FHIP1A: variants seen among roughly 807,000 people sequenced by gnomAD.
FHIP1A encodes FHF complex subunit HOOK-interacting protein 1A.
A neutral mutation model predicts 88.6 loss-of-function variants in FHIP1A; 61 were observed. The observed-to-expected ratio is 0.69, with a 90% CI of 0.56 to 0.85. The LOEUF (loss-of-function observed/expected upper bound fraction) is 0.85, where lower values mean the gene tolerates loss of function less well. Among genes scored for constraint, FHIP1A ranks in the 40% least tolerant of loss-of-function variants. The probability of loss-of-function intolerance (pLI) is 0.00; values close to 1 mark genes in which losing one functional copy is unlikely to be tolerated. For synonymous variants in FHIP1A, 478 were observed against 496.0 expected, an observed-to-expected ratio of 0.96 and a Z score of 0.48; for missense variants, 1,154 against 1,273.5, an observed-to-expected ratio of 0.91 and a Z score of 1.43.
At chr4:151,520,523 T>G (rs1321003891) in intron 3 of FHIP1A, among the ~76,000 whole-genome samples, 1 of 152,210 alleles carries the variant, frequency 6.6e-6, no homozygotes, top group South Asian at 2.1e-4. Flanking sequence ...TTTATAATTT[T>G]TTATTATTAA....
At chr4:151,661,238 A>G (rs1737443963) in intron 13 of FHIP1A, among the ~76,000 whole-genome samples, 5 of 152,100 alleles carry the variant, frequency 3.3e-5, no homozygotes, top group African/African-American at 1.2e-4. Context: ...CAAGGTTGAC[A>G]TGTACCTCAG....
At chr4:151,605,544 G>A (rs1436838541) in intron 7 of FHIP1A, among the ~76,000 whole-genome samples, 1 of 152,186 alleles carries the variant, frequency 6.6e-6, no homozygotes, top group Non-Finnish European at 1.5e-5. Context: ...GAAGCAAAAA[G>A]TCTACCAGAA....
chr4:151,567,634 G>A (rs1158379513), intron 4 of FHIP1A, among the ~76,000 whole-genome samples: 1 of 152,248 alleles, frequency 6.6e-6, no homozygotes, highest in East Asian at 1.9e-4. Context: ...AGGCGAGGTG[G>A]TGAATCCTAA....
At chr4:151,619,064 A>G (rs1397529295) in intron 7 of FHIP1A, among the ~76,000 whole-genome samples, 1 of 152,206 alleles carries the variant, frequency 6.6e-6, no homozygotes, top group East Asian at 1.9e-4. Context: ...AGAGTGGAAC[A>G]GGAAGCGGGA....
Position 151,625,082 on chromosome 4 carries a change from C to G in FHIP1A, c.979-4620C>G, listed in dbSNP as rs113482091. 1.2e-4 allele frequency among the ~76,000 whole-genome samples: 18 copies of G among 152,286 alleles called. 1 individual carries two copies. The highest frequency in any genetic ancestry group is 3.1e-4 in the African/African-American group (13 of 41,558). On this transcript the variant is annotated intron_variant, in intron 7 of 13. Coordinates refer to ENST00000435205, the MANE Select transcript of FHIP1A (RefSeq NM_001109977.3). ...CTCCCACCTGTCCGTTGGCTTGGCTCTCTCTGGCAGCAGCGGGTAGGCTCG... is the reference window on the plus strand; with the variant it reads ...CTCCCACCTGTCCGTTGGCTTGGCTGTCTCTGGCAGCAGCGGGTAGGCTCG...
intron 11 of FHIP1A, among the ~76,000 whole-genome samples, chr4:151,651,546 T>C (rs11730733): frequency 0.15 from 23,457 of 152,152 alleles, 2,268 homozygotes; most frequent in African/African-American, 0.28. Flanking sequence ...AGCATGTGGC[T>C]TTAGCATCCC....
chr4:151,523,142 G>A (rs149439496), intron 3 of FHIP1A, among the ~76,000 whole-genome samples: 2 of 152,326 alleles, frequency 1.3e-5, no homozygotes, highest in Non-Finnish European at 2.9e-5. Context: ...TCTGGCACAT[G>A]TGACATAATT....
chr4:151,527,089 G>A (rs1275757421), intron 3 of FHIP1A, among the ~76,000 whole-genome samples: 18 of 152,120 alleles, frequency 1.2e-4, no homozygotes, highest in Admixed American at 3.9e-4. Flanking sequence ...ATGGGCGGCC[G>A]GGCAGAGACG....
chr4:151,622,376 C>T (rs1405670077), intron 7 of FHIP1A, among the ~76,000 whole-genome samples: 1 of 152,154 alleles, frequency 6.6e-6, no homozygotes, highest in Non-Finnish European at 1.5e-5. Context: ...CTCGACTAAG[C>T]TGTGTTGCTG....
rs2126923084 is a variant in FHIP1A at position 151,656,170 on chromosome 4, TTG to T, written c.2552-60_2552-59del. ...AGATGTGGCACCGATGGTTCTGCAA[TTG>T]TCAGGGAAAGGCATCCCTGTGAGCC... On this transcript the variant is annotated intron_variant, in intron 11 of 13. Transcript: ENST00000435205. The surrounding 1 kb of genome is among the most constrained non-coding windows in gnomAD (Gnocchi z 4.2). 2 of 1,348,582 alleles carry T rather than the reference TTG, an allele frequency of 1.5e-6. No homozygotes were observed. The highest frequency in any genetic ancestry group is 5.0e-5 in the East Asian group (2 of 39,734). The allele number at this position is 1,348,582 out of a possible 1,614,324, so 83.5% of individuals were successfully genotyped here. A position where few individuals can be genotyped will look rare whatever the true frequency, so the allele number is the denominator to read the frequency against.
chr4:151,630,829 T>C (rs1428482031), intron 8 of FHIP1A, among the ~76,000 whole-genome samples: 2 of 152,118 alleles, frequency 1.3e-5, no homozygotes, highest in East Asian at 1.9e-4. Flanking sequence ...TCATGATGGA[T>C]GGAAATTAAA....
chr4:151,571,314 G>C (rs1733594732), intron 4 of FHIP1A, among the ~76,000 whole-genome samples: 1 of 152,162 alleles, frequency 6.6e-6, no homozygotes, highest in Non-Finnish European at 1.5e-5. Context: ...TCTACCTTCA[G>C]CCTTTAAAAA....
chr4:151,478,081 A>G (rs1465298063), intron 2 of FHIP1A, among the ~76,000 whole-genome samples: 1 of 152,188 alleles, frequency 6.6e-6, no homozygotes, highest in Non-Finnish European at 1.5e-5. Context: ...AGTAGTGTTT[A>G]TAATGGCTAA....
intron 1 of FHIP1A, among the ~76,000 whole-genome samples, chr4:151,449,982 A>G (rs1182904448): frequency 6.6e-6 from 1 of 152,136 alleles, no homozygotes; most frequent in African/African-American, 2.4e-5. Flanking sequence ...TCAGCCTTAA[A>G]TATTGAGTAC....
At chr4:151,593,111 C>T (rs1039760892) in intron 7 of FHIP1A, among the ~76,000 whole-genome samples, 8 of 152,166 alleles carry the variant, frequency 5.3e-5, no homozygotes, top group East Asian at 1.9e-4. Flanking sequence ...TGTTATGTTC[C>T]GCTGGTCTAT....
At chr4:151,459,265 A>G (rs934171814) in intron 2 of FHIP1A, among the ~76,000 whole-genome samples, 5 of 152,208 alleles carry the variant, frequency 3.3e-5, no homozygotes, top group African/African-American at 7.2e-5. Context: ...ATATACTACA[A>G]AAATATATAA....
intron 2 of FHIP1A, among the ~76,000 whole-genome samples, chr4:151,478,961 T>A (rs929049680): frequency 5.3e-5 from 8 of 152,112 alleles, no homozygotes; most frequent in Admixed American, 1.3e-4. Context: ...ATTCACGAAT[T>A]TGTTTTGTAG....
intron 2 of FHIP1A, among the ~76,000 whole-genome samples, chr4:151,474,532 T>A (rs920717779): frequency 6.6e-6 from 1 of 152,230 alleles, no homozygotes; most frequent in Admixed American, 6.5e-5. Flanking sequence ...AAAAGAACAT[T>A]AAGAATACCT....
At chr4:151,655,393 G>A (rs1351685831) in intron 11 of FHIP1A, among the ~76,000 whole-genome samples, 1 of 152,174 alleles carries the variant, frequency 6.6e-6, no homozygotes, top group African/African-American at 2.4e-5. Flanking sequence ...CAAAGTAGCA[G>A]AAACTTCTTT....
Sources: allele counts gnomAD v4.1 joint callset (sites outside exome capture counted in the v4.1 genomes callset), GRCh38; gene constraint gnomAD v4.1.1; non-coding constraint Gnocchi (gnomAD v3.1); transcripts MANE v1.5; gene names NCBI Gene and HGNC (gene_info 2026-07-23, HGNC 2026-07-21).